CNOT2: variants seen among roughly 807,000 people sequenced by gnomAD.
CNOT2 encodes CC chemokine receptor 4-negative regulator of transcription 2.
CNOT2 carries 7 observed loss-of-function variants against 72.1 expected under a neutral mutation model. The ratio of observed to expected loss-of-function variants is 0.10; its 90% CI spans 0.06 to 0.18. The LOEUF (loss-of-function observed/expected upper bound fraction) is 0.18. Among genes scored for constraint, CNOT2 ranks in the 10% least tolerant of loss-of-function variants. The pLI is 1.00. For missense variants in CNOT2, 345 were observed against 660.3 expected, an observed-to-expected ratio of 0.52 and a Z score of 5.23; for synonymous variants, 196 against 225.6, an observed-to-expected ratio of 0.87 and a Z score of 1.17.
intron 1 of CNOT2, chr12:70,243,779 A>G (rs987464520): frequency 1.3e-4 from 20 of 152,388 alleles, no homozygotes; most frequent in Non-Finnish European, 2.2e-4. Flanking sequence ...CAGCAGCAGC[A>G]GCTCCAGATC....
At chr12:70,248,368 TTTG>T (rs1439584800) in intron 1 of CNOT2, among the ~76,000 whole-genome samples, 1 of 152,158 alleles carries the variant, frequency 6.6e-6, no homozygotes, top group Non-Finnish European at 1.5e-5. Flanking sequence ...GATCATTTCT[TTTG>T]TTTTGTTTTG....
chr12:70,271,619 C>T (rs1259095996), intron 1 of CNOT2, among the ~76,000 whole-genome samples: 2 of 152,056 alleles, frequency 1.3e-5, no homozygotes, highest in East Asian at 3.9e-4. Flanking sequence ...GTGATCAGCC[C>T]GCCTCAGCCT....
At chr12:70,293,914 C>CT (rs34038348) in intron 2 of CNOT2, among the ~76,000 whole-genome samples, 893 of 71,328 alleles carry the variant, frequency 0.013, 54 homozygotes, top group African/African-American at 0.024. Flanking sequence ...GTGAGCACTG[C>CT]TTTTTTTTTT....
chr12:70,329,593 A>G, intron 5 of CNOT2, 23 bp downstream of exon 5: 9 of 1,559,418 alleles, frequency 5.8e-6, no homozygotes, highest in Non-Finnish European at 8.0e-6. Flanking sequence ...GGACCAGAAT[A>G]TTTTTCAAAA....
chr12:70,306,504 G>C (rs1171134989), intron 2 of CNOT2, among the ~76,000 whole-genome samples: 1 of 152,106 alleles, frequency 6.6e-6, no homozygotes, highest in African/African-American at 2.4e-5. Flanking sequence ...GAAATCAAAG[G>C]AAAGATTAAA....
intron 6 of CNOT2, 89 bp from the exon 7 acceptor site, chr12:70,332,678 A>G (rs1283662033): frequency 7.0e-7 from 1 of 1,428,246 alleles, no homozygotes; most frequent in Non-Finnish European, 9.2e-7. Flanking sequence ...GTTATTTTAT[A>G]TGGAGACCAA....
chr12:70,308,591 C>T (rs1039293044), intron 2 of CNOT2, among the ~76,000 whole-genome samples: 1 of 151,680 alleles, frequency 6.6e-6, no homozygotes, highest in African/African-American at 2.4e-5. Context: ...CTCTCACACA[C>T]ACACACACAC....
At chr12:70,312,340 A>G (rs532737927) in intron 3 of CNOT2, among the ~76,000 whole-genome samples, 14 of 151,974 alleles carry the variant, frequency 9.2e-5, no homozygotes, top group Non-Finnish European at 1.3e-4. Context: ...CTGTGATTAT[A>G]TAATGAAAGT....
At chr12:70,266,122 T>A (rs1243461272) in intron 1 of CNOT2, among the ~76,000 whole-genome samples, 2 of 151,126 alleles carry the variant, frequency 1.3e-5, no homozygotes, top group South Asian at 2.1e-4. Flanking sequence ...TATTATTATT[T>A]TTCAGACAGA....
chr12:70,270,251 AT>A (rs1483926894), intron 1 of CNOT2, among the ~76,000 whole-genome samples: 2 of 152,184 alleles, frequency 1.3e-5, no homozygotes, highest in Admixed American at 6.5e-5. Flanking sequence ...TCCCCTATAA[AT>A]GGCAAGCTGC....
intron 2 of CNOT2, among the ~76,000 whole-genome samples, chr12:70,301,201 A>T (rs900260148): frequency 6.6e-6 from 1 of 152,160 alleles, no homozygotes. Flanking sequence ...TCCTAATTGA[A>T]TGCCCTTTAT....
chr12:70,275,376 G>T (rs1049983047), intron 1 of CNOT2, among the ~76,000 whole-genome samples: 1 of 151,850 alleles, frequency 6.6e-6, no homozygotes, highest in Admixed American at 6.6e-5. Context: ...GTTGAATTTG[G>T]ATCTGTGGGT....
At chr12:70,249,121 TTGAG>T (rs1472496090) in intron 1 of CNOT2, among the ~76,000 whole-genome samples, 6 of 152,028 alleles carry the variant, frequency 3.9e-5, no homozygotes, top group Non-Finnish European at 7.4e-5. Flanking sequence ...TACAATGTGT[TTGAG>T]AGAGGAGCAT....
At chr12:70,330,767 A>G (rs1879810963) in intron 6 of CNOT2, 1 of 252,016 alleles carries the variant, frequency 4.0e-6, no homozygotes, top group African/African-American at 2.2e-5. Flanking sequence ...AAATAAGTTG[A>G]TTACCTGTGT....
intron 8 of CNOT2, chr12:70,335,844 G>T: frequency 4.4e-6 from 1 of 226,144 alleles, no homozygotes; most frequent in Admixed American, 5.3e-5. Context: ...CCCTGCCTTA[G>T]TTTACCTTAA....
chr12:70,297,273 T>C (rs1266337492), intron 2 of CNOT2, among the ~76,000 whole-genome samples: 1 of 152,196 alleles, frequency 6.6e-6, no homozygotes, highest in Non-Finnish European at 1.5e-5. Flanking sequence ...GAAACACTTT[T>C]TCCCCCTTCT....
intron 2 of CNOT2, among the ~76,000 whole-genome samples, chr12:70,287,630 A>G (rs1657370397): frequency 6.7e-6 from 1 of 150,054 alleles, no homozygotes; most frequent in Non-Finnish European, 1.5e-5. Context: ...TAATCTTATT[A>G]TGTACATCTT....
At chr12:70,325,592 A>C (rs1878962702) in intron 4 of CNOT2, among the ~76,000 whole-genome samples, 1 of 151,898 alleles carries the variant, frequency 6.6e-6, no homozygotes, top group African/African-American at 2.4e-5. Context: ...TAATCTCTGG[A>C]GTCTTTTCTA....
chr12:70,268,660 T>C (rs1164139765), intron 1 of CNOT2, among the ~76,000 whole-genome samples: 2 of 151,906 alleles, frequency 1.3e-5, no homozygotes, highest in Non-Finnish European at 2.9e-5. Flanking sequence ...GGGGTCTCAC[T>C]ATGTTGCCTG....
Sources: gnomAD v4.1 joint callset for allele counts (sites outside exome capture counted in the v4.1 genomes callset) on GRCh38, gnomAD v4.1.1 for gene constraint, MANE v1.5 for transcripts, NCBI Gene and HGNC (gene_info 2026-07-23, HGNC 2026-07-21) for gene names.